Variants in USP15 observed in about 807,000 individuals in gnomAD.
USP15 encodes the protein ubiquitin specific peptidase 15.
Under a neutral mutation model 127.1 loss-of-function variants are expected in USP15, and 18 were observed. The observed-to-expected ratio is 0.14, with a 90% confidence interval of 0.10 to 0.21. USP15 has a LOEUF of 0.21. Ranked by LOEUF, USP15 falls within the 10% of genes least tolerant of loss-of-function variation. The pLI is 1.00. For synonymous variants in USP15, 364 were observed against 393.7 expected, an observed-to-expected ratio of 0.92 and a Z score of 0.89; for missense variants, 805 against 1,159.9, an observed-to-expected ratio of 0.69 and a Z score of 4.44.
chr12:62,290,247 ATCTTT>A (rs906889282), intron 1 of USP15, among the ~76,000 whole-genome samples: 6 of 152,086 alleles, frequency 3.9e-5, no homozygotes, highest in African/African-American at 1.4e-4. Context: ...TGCTGTTTAT[ATCTTT>A]TCTTAGGTCT....
At position 62,316,811 on chromosome 12, in the gene USP15, CTG is replaced by C. The variant is rs149348295; in HGVS notation, c.475+1899_475+1900del. Among the ~76,000 whole-genome samples, 712 of 152,166 alleles carry C rather than the reference CTG, an allele frequency of 4.7e-3. 1 individual carries two copies. Among genetic ancestry groups the C allele is most frequent in the African/African-American group, 0.016 (668 of 41,528 alleles). On this transcript the variant is annotated intron_variant, in intron 4 of 21. Coordinates refer to ENST00000280377, the MANE Select transcript of USP15 (RefSeq NM_001252078.2). Reference sequence around the variant, plus strand: ...GAATTATGGGTTCTCATGATAAGAACTGTGTAAGAATTTGTCACGAAGATATG... The same window carrying C: ...GAATTATGGGTTCTCATGATAAGAACTGTAAGAATTTGTCACGAAGATATG...
chr12:62,375,298 C>G (rs2066791689), intron 8 of USP15, among the ~76,000 whole-genome samples: 1 of 152,006 alleles, frequency 6.6e-6, no homozygotes, highest in African/African-American at 2.4e-5. Context: ...ATCATTTGGA[C>G]TTTTATTTTT....
chr12:62,292,878 G>T (rs1276905590), intron 1 of USP15, among the ~76,000 whole-genome samples: 1 of 152,174 alleles, frequency 6.6e-6, no homozygotes, highest in African/African-American at 2.4e-5. Context: ...GGTCTAACTA[G>T]CACTGTGCCA....
At position 62,392,301 on chromosome 12, in the gene USP15, T is replaced by C; in HGVS notation, c.2334T>C (p.Tyr778=). ...TTGAAAAACATGAAAGTGTGGAGTA[T>C]AAACCTCCTAAAAAACCCTTTGTGA... ...EDFEKHESVE[Y]KPPKKPFVKL... Residue 778 remains tyrosine, a synonymous_variant, in exon 18 of 22, where the codon TAT becomes TAC. Transcript: ENST00000280377. 1.9e-6 allele frequency: 3 copies of C among 1,606,448 alleles called. No individual in the cohort carries two copies. Among genetic ancestry groups the C allele is most frequent in the Non-Finnish European group, 2.5e-6 (3 of 1,177,654 alleles).
At chr12:62,301,047 T>C (rs1189685971) in intron 2 of USP15, among the ~76,000 whole-genome samples, 1 of 152,018 alleles carries the variant, frequency 6.6e-6, no homozygotes, top group East Asian at 1.9e-4. Flanking sequence ...TAAAGCCCAA[T>C]GGAAAAAGTA....
intron 7 of USP15, among the ~76,000 whole-genome samples, chr12:62,351,445 C>T (rs1428771973): frequency 2.7e-5 from 4 of 150,438 alleles, no homozygotes; most frequent in Non-Finnish European, 4.4e-5. Flanking sequence ...TAAGAGAATT[C>T]ATTTACAGGT....
chr12:62,348,208 T>TA (rs1169144714), intron 6 of USP15, among the ~76,000 whole-genome samples: 1 of 152,164 alleles, frequency 6.6e-6, no homozygotes, highest in Non-Finnish European at 1.5e-5. Context: ...ACCCTGTCTC[T>TA]AAAAAAGTAA....
intron 16 of USP15, 90 bp from the exon 17 acceptor site, chr12:62,391,726 T>G: frequency 8.7e-7 from 1 of 1,155,826 alleles, no homozygotes; most frequent in South Asian, 1.7e-5. Context: ...GATTGCTGTT[T>G]GTTTATTCTG....
intron 9 of USP15, among the ~76,000 whole-genome samples, chr12:62,381,910 A>G (rs573886234): frequency 1.9e-4 from 29 of 152,136 alleles, no homozygotes; most frequent in African/African-American, 7.0e-4. Context: ...TGGAGAGAAT[A>G]ATGAAAAAAA....
Position 62,282,436 on chromosome 12 carries a change from T to C in USP15, c.90-11743T>C, listed in dbSNP as rs151039226. On this transcript the variant is annotated intron_variant, in intron 1 of 21. Transcript: ENST00000280377. ...AGTTATGACAATATTCTGTAAAAGTTATGTGGATGTGGTTTCTCAAAATAC... is the reference window on the plus strand; with the variant it reads ...AGTTATGACAATATTCTGTAAAAGTCATGTGGATGTGGTTTCTCAAAATAC... Among the ~76,000 whole-genome samples the C allele has an allele frequency of 2.0e-5, 3 of 152,334 alleles. No homozygotes were observed. The East Asian group carries it at 5.8e-4, about 29-fold the overall frequency.
chr12:62,282,968 A>G (rs898043290), intron 1 of USP15, among the ~76,000 whole-genome samples: 2 of 152,182 alleles, frequency 1.3e-5, no homozygotes, highest in African/African-American at 2.4e-5. Context: ...TATTAATGTT[A>G]TCTCAAGTCC....
intron 5 of USP15, among the ~76,000 whole-genome samples, chr12:62,324,323 T>C (rs2065069238): frequency 6.6e-6 from 1 of 151,982 alleles, no homozygotes; most frequent in Admixed American, 6.6e-5. Flanking sequence ...GGCATTATGG[T>C]TAAATAATTA....
chr12:62,327,788 A>G (rs897590139), intron 6 of USP15: 7 of 311,392 alleles, frequency 2.2e-5, no homozygotes, highest in South Asian at 5.2e-5. Flanking sequence ...CAGGTGCTGT[A>G]CTAGAGATGA....
At chr12:62,296,967 C>G (rs747707982) in intron 2 of USP15, among the ~76,000 whole-genome samples, 1 of 152,112 alleles carries the variant, frequency 6.6e-6, no homozygotes, top group Non-Finnish European at 1.5e-5. Context: ...GTTCTGATGC[C>G]TGGGGGCAGT....
intron 1 of USP15, among the ~76,000 whole-genome samples, chr12:62,291,332 T>G (rs2063961647): frequency 6.6e-6 from 1 of 152,218 alleles, no homozygotes; most frequent in African/African-American, 2.4e-5. Flanking sequence ...TTCTCCTTGA[T>G]CTAGTTTATT....
intron 1 of USP15, among the ~76,000 whole-genome samples, chr12:62,291,589 A>G (rs766460515): frequency 5.4e-4 from 82 of 152,122 alleles, no homozygotes; most frequent in Non-Finnish European, 6.0e-4. Context: ...GTTTTTTCAA[A>G]CTTCCAGAAT....
chr12:62,388,117 A>ATTTTTT (rs58192089), intron 11 of USP15, among the ~76,000 whole-genome samples: 52 of 106,594 alleles, frequency 4.9e-4, no homozygotes, highest in Non-Finnish European at 6.3e-4. Flanking sequence ...AATGGTGAAG[A>ATTTTTT]TTTTTTTTTT....
intron 8 of USP15, among the ~76,000 whole-genome samples, chr12:62,360,032 G>GAGCA (rs1038723139): frequency 6.6e-6 from 1 of 152,088 alleles, no homozygotes; most frequent in African/African-American, 2.4e-5. Context: ...GTAGATTCAA[G>GAGCA]AGCACTTCAA....
chr12:62,277,803 T>C (rs1158658722), intron 1 of USP15, among the ~76,000 whole-genome samples: 1 of 152,196 alleles, frequency 6.6e-6, no homozygotes, highest in African/African-American at 2.4e-5. Context: ...CCTGTGGGCC[T>C]CAGGTTGGAC....
Sources: gnomAD v4.1 joint callset for allele counts (sites outside exome capture counted in the v4.1 genomes callset) on GRCh38, gnomAD v4.1.1 for gene constraint, MANE v1.5 for transcripts, NCBI Gene and HGNC (gene_info 2026-07-23, HGNC 2026-07-21) for gene names.